Variants in DCC observed in about 807,000 individuals in gnomAD.
DCC encodes DCC netrin 1 receptor.
In DCC, 58 loss-of-function variants were observed where a neutral mutation model predicts 172.5. The observed-to-expected ratio is 0.34, with a 90% CI of 0.27 to 0.42. The LOEUF (loss-of-function observed/expected upper bound fraction) is 0.42, where lower values mean the gene tolerates loss of function less well. DCC is among the 10% of genes least tolerant of loss of function. The pLI is 1.00. For missense variants in DCC, 1,740 were observed against 1,791.0 expected (o/e 0.97, Z 0.51); for synonymous variants, 709 against 644.5 (o/e 1.10, Z -1.52).
rs558609549 is a variant in DCC at position 53,211,679 on chromosome 18, G to A, written c.1861+3862G>A. 5.3e-5 allele frequency among the ~76,000 whole-genome samples: 8 copies of A among 151,826 alleles called. No homozygotes were observed. The South Asian group carries it at 6.2e-4, about 12-fold the overall frequency. ...GTGGAGCTTGCAGTGAGCCGAGATC[G>A]TGCCTCTGCACTGCAGCCTGGGTGA... On this transcript the variant is annotated intron_variant, in intron 11 of 28. Coordinates refer to ENST00000442544, the MANE Select transcript of DCC (RefSeq NM_005215.4).
At chr18:53,023,298 A>G (rs2041907189) in intron 5 of DCC, among the ~76,000 whole-genome samples, 1 of 151,080 alleles carries the variant, frequency 6.6e-6, no homozygotes, top group South Asian at 2.1e-4. Context: ...GTTTCTAAAG[A>G]AATGTTTTCT....
chr18:53,013,698 TAAAAA>T (rs772056355), intron 5 of DCC, among the ~76,000 whole-genome samples: 5 of 135,984 alleles, frequency 3.7e-5, no homozygotes, highest in Admixed American at 1.5e-4. Flanking sequence ...TCCCAGAACT[TAAAAA>T]AAAAAAAAAA....
intron 1 of DCC, among the ~76,000 whole-genome samples, chr18:52,356,907 C>T (rs112615872): frequency 3.3e-5 from 5 of 152,142 alleles, no homozygotes; most frequent in African/African-American, 9.6e-5. Flanking sequence ...CTCAGCCTCC[C>T]GAGTAGCTGG....
chr18:52,827,468 C>A (rs2038532663), intron 2 of DCC, among the ~76,000 whole-genome samples: 1 of 152,216 alleles, frequency 6.6e-6, no homozygotes, highest in South Asian at 2.1e-4. Flanking sequence ...AGAGTCTTGT[C>A]AACCTTGATA....
intron 28 of DCC, among the ~76,000 whole-genome samples, chr18:53,529,628 G>C (rs2046503434): frequency 6.6e-6 from 1 of 152,136 alleles, no homozygotes; most frequent in Admixed American, 6.6e-5. Context: ...CAAATAAAAT[G>C]TGCAAGTATA....
At chr18:52,585,227 G>A (rs890907105) in intron 1 of DCC, among the ~76,000 whole-genome samples, 1 of 152,152 alleles carries the variant, frequency 6.6e-6, no homozygotes, top group African/African-American at 2.4e-5. Flanking sequence ...GAAGACAGTC[G>A]AATGAGGAGT....
At chr18:52,690,340 C>A (rs1212686390) in intron 1 of DCC, among the ~76,000 whole-genome samples, 1 of 151,998 alleles carries the variant, frequency 6.6e-6, no homozygotes, top group African/African-American at 2.4e-5. Flanking sequence ...TAAGAGGCAA[C>A]CGGAAGAGGA....
chr18:52,791,060 G>A (rs1005256345), intron 2 of DCC, among the ~76,000 whole-genome samples: 1 of 152,124 alleles, frequency 6.6e-6, no homozygotes, highest in African/African-American at 2.4e-5. Context: ...TGGAGGAGCT[G>A]GTGGTGTGGT....
At chr18:53,304,027 G>A (rs2057171193) in intron 12 of DCC, among the ~76,000 whole-genome samples, 1 of 152,046 alleles carries the variant, frequency 6.6e-6, no homozygotes, top group African/African-American at 2.4e-5. Flanking sequence ...ACTATCCCCA[G>A]CTGAACTCCT....
chr18:52,677,286 T>C (rs1456294008), intron 1 of DCC, among the ~76,000 whole-genome samples: 1 of 152,110 alleles, frequency 6.6e-6, no homozygotes, highest in Non-Finnish European at 1.5e-5. Context: ...CTAACTTTAC[T>C]CCCTAATTAT....
chr18:52,683,770 T>C lies in DCC; in HGVS notation c.92-68284T>C, dbSNP rs557146459. Among the ~76,000 whole-genome samples, 4 of 152,040 alleles carry C rather than the reference T, an allele frequency of 2.6e-5. No individual in the cohort carries two copies. The South Asian group carries it at 8.3e-4, about 31-fold the overall frequency. Reference sequence around the variant, plus strand: ...TACCTTCCTTTGCATAACCCATAGTTTGGAACATCTCCCTATGCTCAGTCA... The same window carrying C: ...TACCTTCCTTTGCATAACCCATAGTCTGGAACATCTCCCTATGCTCAGTCA... On this transcript the variant is annotated intron_variant, in intron 1 of 28. Transcript: ENST00000442544.
At chr18:53,379,934 T>G (rs1907588918) in intron 15 of DCC, among the ~76,000 whole-genome samples, 1 of 152,224 alleles carries the variant, frequency 6.6e-6, no homozygotes. Context: ...TCAGTATGAT[T>G]AAATCACAGT....
At chr18:52,431,653 T>G (rs901610091) in intron 1 of DCC, among the ~76,000 whole-genome samples, 1 of 152,160 alleles carries the variant, frequency 6.6e-6, no homozygotes, top group African/African-American at 2.4e-5. Flanking sequence ...AAATGCTCAG[T>G]GAACACCCCT....
At chr18:53,515,843 A>G (rs1598836699) in intron 27 of DCC, among the ~76,000 whole-genome samples, 1 of 152,088 alleles carries the variant, frequency 6.6e-6, no homozygotes, top group South Asian at 2.1e-4. Flanking sequence ...ATGGGTAGGA[A>G]GAATCAATAT....
intron 27 of DCC, among the ~76,000 whole-genome samples, chr18:53,525,497 G>C (rs1464001752): frequency 6.6e-6 from 1 of 152,102 alleles, no homozygotes; most frequent in East Asian, 1.9e-4. Context: ...GATGGGAAAA[G>C]ATGCTTATGT....
chr18:53,202,395 G>A (rs1329286587), intron 9 of DCC, among the ~76,000 whole-genome samples: 10 of 152,098 alleles, frequency 6.6e-5, no homozygotes, highest in Admixed American at 6.6e-4. Context: ...AGGAATCCAT[G>A]TGCCCATTGA....
chr18:52,528,028 T>C (rs1173268272), intron 1 of DCC, among the ~76,000 whole-genome samples: 1 of 152,212 alleles, frequency 6.6e-6, no homozygotes, highest in Non-Finnish European at 1.5e-5. Flanking sequence ...TCTAAAATAT[T>C]CTTGTTGCCC....
chr18:53,223,648 C>A (rs576881945), intron 12 of DCC, among the ~76,000 whole-genome samples: 7 of 152,120 alleles, frequency 4.6e-5, no homozygotes, highest in Admixed American at 1.3e-4. Flanking sequence ...ATAAGTTCAG[C>A]CCTACCAGTA....
In DCC at chr18:53,530,312, A is replaced by G. The variant is rs1445439539; in HGVS notation, c.4255-252A>G. ...TTGGGAGAACTTGATTTGAAACCCA[A>G]TCTTTTTGACTCTGAAACATCTTCC... On this transcript the variant is annotated intron_variant, in intron 28 of 28. Transcript: ENST00000442544. The G allele has an allele frequency of 5.7e-6, 4 of 702,750 alleles. No individual in the cohort carries two copies. In the South Asian group the frequency reaches 5.9e-5, roughly 10 times the overall value. The allele number at this position is 702,750 out of a possible 1,614,324, so 43.5% of individuals were successfully genotyped here.
Sources: gnomAD v4.1 joint callset for allele counts (sites outside exome capture counted in the v4.1 genomes callset) on GRCh38, gnomAD v4.1.1 for gene constraint, MANE v1.5 for transcripts, NCBI Gene and HGNC (gene_info 2026-07-23, HGNC 2026-07-21) for gene names.